The following KIRREL3 variants were observed in gnomAD, a reference collection of about 807,000 sequenced individuals.
KIRREL3 encodes kirre like nephrin family adhesion molecule 3.
Under a neutral mutation model 89.7 loss-of-function variants are expected in KIRREL3, and 36 were observed. The ratio of observed to expected loss-of-function variants is 0.40; its 90% CI spans 0.31 to 0.53. The LOEUF (loss-of-function observed/expected upper bound fraction) is 0.53. KIRREL3 is among the 20% of genes least tolerant of loss of function. The pLI, the probability that KIRREL3 is intolerant of heterozygous loss-of-function variation, is 0.49. For synonymous variants in KIRREL3, 445 were observed against 441.4 expected (o/e 1.01, Z -0.10); for missense variants, 864 against 1,056.6 (o/e 0.82, Z 2.53).
Position 126,515,254 on chromosome 11 carries a change from T to G in KIRREL3, c.433+6061A>C, listed in dbSNP as rs536994144. ...ATTAGCAACATGGCAAAACCCGGTC[T>G]CTACAAAAACAAAACAGAACAAAAC... On this transcript the variant is annotated intron_variant, in intron 4 of 16. Transcript: ENST00000525144. The surrounding 1 kb of genome is among the most constrained non-coding windows in gnomAD (Gnocchi z 4.2). Among the ~76,000 whole-genome samples, 2 of 152,078 alleles carry G rather than the reference T, an allele frequency of 1.3e-5. No homozygotes were observed. Among genetic ancestry groups the G allele is most frequent in the Admixed American group, 1.3e-4 (2 of 15,270 alleles).
rs185727266 is a variant in KIRREL3, at chr11:126,651,276, G to C, written c.56-88364C>G. On this transcript the variant is annotated intron_variant, in intron 1 of 16. Coordinates refer to ENST00000525144, the MANE Select transcript of KIRREL3 (RefSeq NM_032531.4). The surrounding 1 kb of genome is among the most constrained non-coding windows in gnomAD (Gnocchi z 4.6). ...ATTGGTGGGATGGTGCACAGTTTGCGTGTTTCACTGAGTCTTGATAATTAT... is the reference window on the plus strand; with the variant it reads ...ATTGGTGGGATGGTGCACAGTTTGCCTGTTTCACTGAGTCTTGATAATTAT... 6.6e-6 allele frequency among the ~76,000 whole-genome samples: 1 copy of C among 152,200 alleles called. No homozygotes were observed. The highest frequency in any genetic ancestry group is 1.5e-5 in the Non-Finnish European group (1 of 68,038).
rs1325081263 is a variant in KIRREL3, at chr11:126,484,846, G to A, written c.434-11380C>T. On this transcript the variant is annotated intron_variant, in intron 4 of 16. Coordinates refer to ENST00000525144, the MANE Select transcript of KIRREL3 (RefSeq NM_032531.4). The surrounding 1 kb of genome is among the most constrained non-coding windows in gnomAD (Gnocchi z 5.2). ...TTTTTTTTTTCTGAGACGGAGTCTC[G>A]CTCTTGTCACCCAGGCTGGAGTGCA... Among the ~76,000 whole-genome samples, 2 of 147,550 alleles carry A rather than the reference G, an allele frequency of 1.4e-5. No individual in the cohort carries two copies. Among genetic ancestry groups the A allele is most frequent in the Non-Finnish European group, 3.0e-5 (2 of 67,466 alleles).
chr11:126,781,119 G>T (rs1228489544), intron 1 of KIRREL3, among the ~76,000 whole-genome samples: 1 of 152,088 alleles, frequency 6.6e-6, no homozygotes, highest in East Asian at 1.9e-4. Flanking sequence ...TGTGAGTGGG[G>T]GTCACGTTTT....
chr11:126,556,454 A>C (rs1939712525), intron 2 of KIRREL3, among the ~76,000 whole-genome samples: 1 of 152,130 alleles, frequency 6.6e-6, no homozygotes, highest in African/African-American at 2.4e-5. Flanking sequence ...CAGTCTGGGC[A>C]ACATAGTGAG....
chr11:126,728,274 T>C (rs1948470772), intron 1 of KIRREL3, among the ~76,000 whole-genome samples: 1 of 152,018 alleles, frequency 6.6e-6, no homozygotes, highest in African/African-American at 2.4e-5. Flanking sequence ...AAGCCTCAGC[T>C]TTCCCATCTG....
intron 5 of KIRREL3, among the ~76,000 whole-genome samples, chr11:126,464,610 A>G (rs936091284): frequency 6.6e-6 from 1 of 151,972 alleles, no homozygotes; most frequent in Middle Eastern, 3.4e-3. Flanking sequence ...GGAGGAGGAG[A>G]AGAGGAGGAT....
At position 126,905,134 on chromosome 11, in the gene KIRREL3, C is replaced by A. The variant is rs1946526559; in HGVS notation, c.55+95321G>T. Among the ~76,000 whole-genome samples, 1 of 152,134 alleles carries A rather than the reference C, an allele frequency of 6.6e-6. No homozygotes were observed. The highest frequency in any genetic ancestry group is 6.5e-5 in the Admixed American group (1 of 15,282). ...GTGTCATCAACAGAAGGTTCTCATACCACACAGCTCAGCTTGCAGAGGAGG... is the reference window on the plus strand; with the variant it reads ...GTGTCATCAACAGAAGGTTCTCATAACACACAGCTCAGCTTGCAGAGGAGG... On this transcript the variant is annotated intron_variant, in intron 1 of 16. Coordinates refer to ENST00000525144, the MANE Select transcript of KIRREL3 (RefSeq NM_032531.4). The surrounding 1 kb of genome is among the most constrained non-coding windows in gnomAD (Gnocchi z 5.0).
intron 4 of KIRREL3, among the ~76,000 whole-genome samples, chr11:126,487,199 A>G (rs1015269439): frequency 2.6e-5 from 4 of 152,218 alleles, no homozygotes; most frequent in African/African-American, 9.7e-5. Flanking sequence ...CATTTGTTCC[A>G]TATCTTGGTT....
At chr11:126,698,928 C>T (rs953787442) in intron 1 of KIRREL3, among the ~76,000 whole-genome samples, 1 of 152,208 alleles carries the variant, frequency 6.6e-6, no homozygotes, top group African/African-American at 2.4e-5. Context: ...GCTCCACGGG[C>T]AGGAGCTGCG....
rs1345098178 is a variant in KIRREL3, at chr11:126,915,260, G to T, written c.55+85195C>A. On this transcript the variant is annotated intron_variant, in intron 1 of 16. Transcript: ENST00000525144. ...TTACATCATTAAAAGATTTTTGAGG[G>T]TTTTTGAAGTCCAATAACTCTCCTG... 3.9e-5 allele frequency among the ~76,000 whole-genome samples: 6 copies of T among 152,056 alleles called. No individual in the cohort carries two copies. The South Asian group carries it at 1.0e-3, about 26-fold the overall frequency.
At chr11:126,839,778 C>T (rs530166769) in intron 1 of KIRREL3, among the ~76,000 whole-genome samples, 37 of 152,256 alleles carry the variant, frequency 2.4e-4, no homozygotes, top group African/African-American at 3.9e-4. Context: ...TTATGTATTA[C>T]GCTACTTATA....
chr11:126,845,361 G>A (rs1445702951), intron 1 of KIRREL3, among the ~76,000 whole-genome samples: 1 of 152,108 alleles, frequency 6.6e-6, no homozygotes, highest in African/African-American at 2.4e-5. Flanking sequence ...GTGCAAACTG[G>A]TTGAATGAAT....
In KIRREL3 at chr11:126,739,668, G is replaced by GT. The variant is rs1262406704; in HGVS notation, c.56-176757dup. 6.6e-6 allele frequency among the ~76,000 whole-genome samples: 1 copy of GT among 152,208 alleles called. No homozygotes were observed. The highest frequency in any genetic ancestry group is 1.5e-5 in the Non-Finnish European group (1 of 68,038). ...GAAGGAAACCACAGTTAAGGTATGT[G>GT]TGGAGGTACTATGCAGGCAAACCAG... On this transcript the variant is annotated intron_variant, in intron 1 of 16. Coordinates refer to ENST00000525144, the MANE Select transcript of KIRREL3 (RefSeq NM_032531.4). This position sits in a 1 kb window ranked among gnomAD's most constrained non-coding sequence, Gnocchi z 5.5.
At chr11:126,659,974 C>T (rs1455486385) in intron 1 of KIRREL3, among the ~76,000 whole-genome samples, 2 of 152,180 alleles carry the variant, frequency 1.3e-5, no homozygotes, top group Non-Finnish European at 2.9e-5. Flanking sequence ...GCAAGCTCCA[C>T]CCTCTAGGTG....
chr11:126,563,208 C>T lies in KIRREL3; in HGVS notation c.56-296G>A, dbSNP rs1006896039. On this transcript the variant is annotated intron_variant, in intron 1 of 16. Coordinates refer to ENST00000525144, the MANE Select transcript of KIRREL3 (RefSeq NM_032531.4). This position sits in a 1 kb window ranked among gnomAD's most constrained non-coding sequence, Gnocchi z 6.8. Reference sequence around the variant, plus strand: ...GAGCTAGCAGGTGGTAAAGCCAGAGCTTTGAACCTAGGCAGTCTGGCTCTG... The same window carrying T: ...GAGCTAGCAGGTGGTAAAGCCAGAGTTTTGAACCTAGGCAGTCTGGCTCTG... Among the ~76,000 whole-genome samples, 1 of 152,176 alleles carries T rather than the reference C, an allele frequency of 6.6e-6. No homozygotes were observed.
In KIRREL3 at chr11:126,867,328, A is replaced by G. The variant is rs978627214; in HGVS notation, c.55+133127T>C. On this transcript the variant is annotated intron_variant, in intron 1 of 16. Transcript: ENST00000525144. This position sits in a 1 kb window ranked among gnomAD's most constrained non-coding sequence, Gnocchi z 4.7. Reference sequence around the variant, plus strand: ...CTCTCCTCTCATTACCTGCACTCCAATGGGTCCAGGTGCCTCGAGGTTCTA... The same window carrying G: ...CTCTCCTCTCATTACCTGCACTCCAGTGGGTCCAGGTGCCTCGAGGTTCTA... 1.3e-5 allele frequency among the ~76,000 whole-genome samples: 2 copies of G among 152,174 alleles called. No homozygotes were observed. Among genetic ancestry groups the G allele is most frequent in the Non-Finnish European group, 2.9e-5 (2 of 68,028 alleles).
At chr11:126,998,548 G>A (rs2135301712) in intron 1 of KIRREL3, among the ~76,000 whole-genome samples, 1 of 152,276 alleles carries the variant, frequency 6.6e-6, no homozygotes, top group South Asian at 2.1e-4. Flanking sequence ...TTTCTTCCTA[G>A]CGCTCTCAGG....
rs1046983884 is a variant in KIRREL3 at position 126,474,616 on chromosome 11, C to G, written c.434-1150G>C. 3.3e-5 allele frequency among the ~76,000 whole-genome samples: 5 copies of G among 152,258 alleles called. No homozygotes were observed. Among genetic ancestry groups the G allele is most frequent in the African/African-American group, 1.2e-4 (5 of 41,464 alleles). On this transcript the variant is annotated intron_variant, in intron 4 of 16. Transcript: ENST00000525144. The surrounding 1 kb of genome is among the most constrained non-coding windows in gnomAD (Gnocchi z 6.7). ...CTGATTCTCTCCTGTCCCAGCCTTC[C>G]ACTGCATTTTGTAGTAGGGTCAGAG...
chr11:126,729,506 TCTC>T lies in KIRREL3; in HGVS notation c.56-166597_56-166595del, dbSNP rs1299380740. ...GGGAGTCAAAGGGTCAATAGGTGCTTCTCCTTTGCAGCCTCAGGGAGTGATTAC... is the reference window on the plus strand; with the variant it reads ...GGGAGTCAAAGGGTCAATAGGTGCTTCTTTGCAGCCTCAGGGAGTGATTAC... On this transcript the variant is annotated intron_variant, in intron 1 of 16. Transcript: ENST00000525144. The surrounding 1 kb of genome is among the most constrained non-coding windows in gnomAD (Gnocchi z 4.5). Among the ~76,000 whole-genome samples, 3 of 152,084 alleles carry T rather than the reference TCTC, an allele frequency of 2.0e-5. No homozygotes were observed. The highest frequency in any genetic ancestry group is 2.9e-5 in the Non-Finnish European group (2 of 67,996).
Sources: gnomAD v4.1 joint callset for allele counts (sites outside exome capture counted in the v4.1 genomes callset) on GRCh38, gnomAD v4.1.1 for gene constraint, Gnocchi (gnomAD v3.1) non-coding constraint, MANE v1.5 for transcripts, NCBI Gene and HGNC (gene_info 2026-07-23, HGNC 2026-07-21) for gene names.